NEO1: variants seen among roughly 807,000 people sequenced by gnomAD.
NEO1 encodes neogenin 1, also known as neogenin.
In NEO1, 63 loss-of-function variants were observed where a neutral mutation model predicts 159.7. The ratio of observed to expected loss-of-function variants is 0.39; its 90% CI spans 0.32 to 0.49. The LOEUF (loss-of-function observed/expected upper bound fraction) is 0.49. NEO1 is among the 20% of genes least tolerant of loss of function. The probability of loss-of-function intolerance (pLI) is 0.85; values close to 1 mark genes in which losing one functional copy is unlikely to be tolerated. For missense variants in NEO1, 1,615 were observed against 1,831.0 expected (o/e 0.88, Z 2.15); for synonymous variants, 633 against 662.0 (o/e 0.96, Z 0.67).
rs896351681 is a variant in NEO1, at chr15:73,273,713, T to C, written c.2966-98T>C. ...AGGGTACATTATTCAAATATTATGC[T>C]ATAATATTCATATGATATAATAGGT... On this transcript the variant is annotated intron_variant, in intron 19 of 28. Transcript: ENST00000261908. The C allele has an allele frequency of 6.0e-6, 5 of 827,124 alleles. No individual in the cohort carries two copies. In the African/African-American group the frequency reaches 8.7e-5, roughly 14 times the overall value. 51.2% of individuals were successfully genotyped at this position (827,124 alleles called of 1,614,324 possible). A position where few individuals can be genotyped will look rare whatever the true frequency, so the allele number is the denominator to read the frequency against.
chr15:73,187,487 C>T (rs1043670426), intron 7 of NEO1, among the ~76,000 whole-genome samples: 14 of 152,076 alleles, frequency 9.2e-5, no homozygotes, highest in Admixed American at 8.5e-4. Flanking sequence ...CAAACTATCA[C>T]GGCTGAAAGA....
chr15:73,194,490 G>T (rs1351126953), intron 7 of NEO1, among the ~76,000 whole-genome samples: 1 of 152,156 alleles, frequency 6.6e-6, no homozygotes, highest in Non-Finnish European at 1.5e-5. Context: ...GGCAAAATGG[G>T]AGCAGGCATG....
chr15:73,146,276 T>C (rs1390566692), intron 5 of NEO1, among the ~76,000 whole-genome samples: 1 of 152,214 alleles, frequency 6.6e-6, no homozygotes, highest in African/African-American at 2.4e-5. Flanking sequence ...CCTTAGCACC[T>C]AATGTAGTAG....
chr15:73,178,503 A>G (rs1041323639), intron 7 of NEO1, 76 bp downstream of exon 7: 5 of 1,541,984 alleles, frequency 3.2e-6, no homozygotes, highest in Admixed American at 1.8e-5. Flanking sequence ...CAAATAACTC[A>G]TGATTGATAA....
chr15:73,119,103 C>T (rs1325947795), intron 2 of NEO1, among the ~76,000 whole-genome samples: 2 of 151,964 alleles, frequency 1.3e-5, no homozygotes, highest in Non-Finnish European at 2.9e-5. Flanking sequence ...TGTAGGTGTC[C>T]TGGGGTAGTT....
At chr15:73,177,059 C>A (rs1436590207) in intron 6 of NEO1, among the ~76,000 whole-genome samples, 2 of 152,122 alleles carry the variant, frequency 1.3e-5, no homozygotes, top group Admixed American at 1.3e-4. Context: ...ATAAGGATGA[C>A]CCAGTGTCGG....
intron 5 of NEO1, among the ~76,000 whole-genome samples, chr15:73,147,563 A>C (rs142420304): frequency 6.6e-6 from 1 of 152,142 alleles, no homozygotes; most frequent in Non-Finnish European, 1.5e-5. Flanking sequence ...AATATTCTTC[A>C]TTCTTTATTT....
intron 7 of NEO1, among the ~76,000 whole-genome samples, chr15:73,193,671 G>A (rs980925944): frequency 6.7e-6 from 1 of 149,750 alleles, no homozygotes; most frequent in Non-Finnish European, 1.5e-5. Context: ...GTAGTATCTG[G>A]TTGTGGACAA....
chr15:73,133,452 A>G (rs1339255996), intron 4 of NEO1, among the ~76,000 whole-genome samples: 2 of 152,146 alleles, frequency 1.3e-5, no homozygotes, highest in Non-Finnish European at 2.9e-5. Flanking sequence ...TGCAGTGTAC[A>G]CTGTTTGGGT....
In NEO1 at chr15:73,272,314, A is replaced by C. The variant is rs1327861882; in HGVS notation, c.2858-141A>C. 6.8e-6 allele frequency: 4 copies of C among 588,724 alleles called. No individual in the cohort carries two copies. The African/African-American group carries it at 7.5e-5, about 11-fold the overall frequency. The allele number at this position is 588,724 out of a possible 1,614,324, so 36.5% of individuals were successfully genotyped here. On this transcript the variant is annotated intron_variant, in intron 18 of 28. Coordinates refer to ENST00000261908, the MANE Select transcript of NEO1 (RefSeq NM_002499.4). ...CTTTTGATTGGAACTTTTGATAGACAAACTGTGATTTCTTTGAAGCCAGAA... is the reference window on the plus strand; with the variant it reads ...CTTTTGATTGGAACTTTTGATAGACCAACTGTGATTTCTTTGAAGCCAGAA...
At chr15:73,138,373 T>C (rs1421056052) in intron 5 of NEO1, among the ~76,000 whole-genome samples, 2 of 152,148 alleles carry the variant, frequency 1.3e-5, no homozygotes, top group Admixed American at 1.3e-4. Context: ...TCTCTGAAGG[T>C]TTGCTGCACA....
chr15:73,242,436 G>A (rs1201658448), intron 8 of NEO1, among the ~76,000 whole-genome samples: 4 of 152,248 alleles, frequency 2.6e-5, no homozygotes, highest in African/African-American at 9.6e-5. Flanking sequence ...GGGAGGCTGA[G>A]GCGGGTGGAT....
chr15:73,214,110 A>G (rs1027635249), intron 7 of NEO1, among the ~76,000 whole-genome samples: 12 of 151,394 alleles, frequency 7.9e-5, no homozygotes, highest in African/African-American at 2.9e-4. Flanking sequence ...TTTTGATGGG[A>G]TTTTGTTTTC....
intron 4 of NEO1, among the ~76,000 whole-genome samples, chr15:73,133,310 A>G (rs1341724753): frequency 6.6e-6 from 1 of 152,160 alleles, no homozygotes; most frequent in Non-Finnish European, 1.5e-5. Flanking sequence ...GGAAAACCAA[A>G]CATCCTATGT....
intron 13 of NEO1, among the ~76,000 whole-genome samples, chr15:73,256,421 A>T (rs997018070): frequency 1.3e-5 from 2 of 152,160 alleles, no homozygotes; most frequent in Non-Finnish European, 2.9e-5. Context: ...AATCTCTTGA[A>T]CCGGGGAGGC....
chr15:73,274,674 C>G lies in NEO1; in HGVS notation c.3161-18C>G. On this transcript the variant is annotated intron_variant, in intron 20 of 28. Coordinates refer to ENST00000261908, the MANE Select transcript of NEO1 (RefSeq NM_002499.4). Reference sequence around the variant, plus strand: ...ATCCTTGCTCTTGTTTTTTCTTCCCCTGTGCTTGGCCTGTTAGCGGACTCC... The same window carrying G: ...ATCCTTGCTCTTGTTTTTTCTTCCCGTGTGCTTGGCCTGTTAGCGGACTCC... 6.2e-7 allele frequency: 1 copy of G among 1,613,362 alleles called. No homozygotes were observed. The highest frequency in any genetic ancestry group is 8.5e-7 in the Non-Finnish European group (1 of 1,179,672).
At chr15:73,292,830 A>G (rs2042209610) in intron 25 of NEO1, among the ~76,000 whole-genome samples, 2 of 152,222 alleles carry the variant, frequency 1.3e-5, no homozygotes, top group African/African-American at 4.8e-5. Flanking sequence ...AAGACATGAA[A>G]GCCGATTAAA....
At chr15:73,182,589 C>G (rs1244766726) in intron 7 of NEO1, among the ~76,000 whole-genome samples, 3 of 152,082 alleles carry the variant, frequency 2.0e-5, no homozygotes, top group African/African-American at 7.2e-5. Flanking sequence ...CTGGGGAGGC[C>G]TCACAATCAT....
chr15:73,073,221 G>A (rs1410990302), intron 1 of NEO1, among the ~76,000 whole-genome samples: 3 of 152,188 alleles, frequency 2.0e-5, no homozygotes, highest in African/African-American at 7.2e-5. Flanking sequence ...CCAAGGAGGA[G>A]AGTATCTGAT....
Sources: allele counts gnomAD v4.1 joint callset (sites outside exome capture counted in the v4.1 genomes callset), GRCh38; gene constraint gnomAD v4.1.1; transcripts MANE v1.5; gene names NCBI Gene and HGNC (gene_info 2026-07-23, HGNC 2026-07-21).